The following RBFOX1 variants were observed in gnomAD, a reference collection of about 807,000 sequenced individuals.
The protein encoded by RBFOX1 is RNA binding fox-1 homolog 1, also known as RNA binding protein fox-1 homolog 1.
RBFOX1 carries 8 observed loss-of-function variants against 57.7 expected under a neutral mutation model. That is an observed-to-expected ratio of 0.14 (90% CI 0.08 to 0.25). The LOEUF (loss-of-function observed/expected upper bound fraction) is 0.25, where lower values mean the gene tolerates loss of function less well. Ranked by LOEUF, RBFOX1 falls within the 10% of genes least tolerant of loss-of-function variation. The pLI is 1.00. For missense variants in RBFOX1, 611 were observed against 548.5 expected, an observed-to-expected ratio of 1.11 and a Z score of -1.14; for synonymous variants, 326 against 222.4, an observed-to-expected ratio of 1.47 and a Z score of -4.15.
At chr16:6,644,483 C>T (rs1043048978) in intron 2 of RBFOX1, among the ~76,000 whole-genome samples, 3 of 152,310 alleles carry the variant, frequency 2.0e-5, no homozygotes, top group Non-Finnish European at 2.9e-5. Context: ...CCGATTTGGG[C>T]TTGTCAGATG....
In RBFOX1 at chr16:6,641,740, A is replaced by C. The variant is rs1602410920; in HGVS notation, c.-63-12863A>C. On this transcript the variant is annotated intron_variant, in intron 2 of 15. Transcript: ENST00000550418. Reference sequence around the variant, plus strand: ...ACAGAGCAGGACTCCGTCTCAAAAAAAAAAAAAAAAAAAAAAAAAAAAAAA... The same window carrying C: ...ACAGAGCAGGACTCCGTCTCAAAAACAAAAAAAAAAAAAAAAAAAAAAAAA... Among the ~76,000 whole-genome samples the C allele has an allele frequency of 5.4e-5, 2 of 37,156 alleles. 1 individual carries two copies. 24.4% of individuals were successfully genotyped at this position (37,156 alleles called of 152,430 possible).
chr16:7,354,327 A>C (rs2097177780), intron 4 of RBFOX1, among the ~76,000 whole-genome samples: 1 of 152,214 alleles, frequency 6.6e-6, no homozygotes, highest in South Asian at 2.1e-4. Flanking sequence ...ATTTCAAAAA[A>C]TATGTTGAAA....
intron 2 of RBFOX1, among the ~76,000 whole-genome samples, chr16:6,504,487 C>G (rs2096034514): frequency 6.6e-6 from 1 of 152,068 alleles, no homozygotes; most frequent in Non-Finnish European, 1.5e-5. Context: ...TGCATGAGAC[C>G]TTTGTAATGT....
intron 1 of RBFOX1, among the ~76,000 whole-genome samples, chr16:5,451,068 G>A (rs1373214775): frequency 6.6e-6 from 1 of 152,186 alleles, no homozygotes; most frequent in Non-Finnish European, 1.5e-5. Context: ...TCGAGGAATG[G>A]CAGATATACA....
intron 3 of RBFOX1, among the ~76,000 whole-genome samples, chr16:6,692,478 G>T (rs13339092): frequency 0.035 from 5,390 of 152,000 alleles, 314 homozygotes; most frequent in African/African-American, 0.12. Context: ...ACTACTTTCC[G>T]TGACCCTGTG....
intron 3 of RBFOX1, among the ~76,000 whole-genome samples, chr16:5,725,278 C>G (rs2052100280): frequency 1.3e-5 from 2 of 152,030 alleles, no homozygotes; most frequent in South Asian, 4.2e-4. Context: ...GGGTCTTGCT[C>G]TGTCTCCCAG....
At chr16:5,372,670 G>A (rs192376615) in intron 1 of RBFOX1, among the ~76,000 whole-genome samples, 2 of 152,124 alleles carry the variant, frequency 1.3e-5, no homozygotes, top group African/African-American at 4.8e-5. Context: ...GAACAGAATC[G>A]GCTTTGCAAG....
At chr16:5,555,189 G>A (rs2045622439) in intron 2 of RBFOX1, among the ~76,000 whole-genome samples, 1 of 152,182 alleles carries the variant, frequency 6.6e-6, no homozygotes, top group African/African-American at 2.4e-5. Flanking sequence ...TGATTCAGTG[G>A]ATAGAATGGA....
At chr16:7,159,275 G>A (rs975401515) in intron 4 of RBFOX1, among the ~76,000 whole-genome samples, 9 of 147,670 alleles carry the variant, frequency 6.1e-5, no homozygotes, top group African/African-American at 2.3e-4. Flanking sequence ...GACACCCTGA[G>A]GCTGAGCAGG....
intron 4 of RBFOX1, among the ~76,000 whole-genome samples, chr16:7,062,185 G>A (rs377603531): frequency 6.6e-6 from 1 of 151,764 alleles, no homozygotes; most frequent in Non-Finnish European, 1.5e-5. Flanking sequence ...TGGGCATGGT[G>A]GCGGGTGCCT....
intron 2 of RBFOX1, among the ~76,000 whole-genome samples, chr16:6,389,832 A>G (rs1318007107): frequency 6.6e-6 from 1 of 152,140 alleles, no homozygotes; most frequent in Non-Finnish European, 1.5e-5. Context: ...TCAGAATAAA[A>G]ATTGATGCTG....
intron 4 of RBFOX1, among the ~76,000 whole-genome samples, chr16:7,389,953 A>G (rs780211172): frequency 2.6e-5 from 4 of 152,156 alleles, no homozygotes; most frequent in Non-Finnish European, 5.9e-5. Context: ...TTTATAAAGG[A>G]AAGAGGTTTA....
chr16:7,197,122 C>G (rs560659524), intron 4 of RBFOX1, among the ~76,000 whole-genome samples: 2 of 152,278 alleles, frequency 1.3e-5, no homozygotes, highest in East Asian at 3.9e-4. Context: ...TATTCCTTCT[C>G]TACCCATCTC....
intron 3 of RBFOX1, among the ~76,000 whole-genome samples, chr16:6,866,643 G>C (rs1482982993): frequency 7.4e-6 from 1 of 135,662 alleles, no homozygotes; most frequent in African/African-American, 2.8e-5. Flanking sequence ...CCCGGTTCAC[G>C]CCATTCTCCT....
At chr16:5,503,471 C>G (rs1213198370) in intron 2 of RBFOX1, among the ~76,000 whole-genome samples, 1 of 152,242 alleles carries the variant, frequency 6.6e-6, no homozygotes, top group Non-Finnish European at 1.5e-5. Context: ...GAGTCTTGCT[C>G]TGTCGCCCAG....
intron 2 of RBFOX1, among the ~76,000 whole-genome samples, chr16:6,380,376 C>T (rs2091671994): frequency 7.8e-6 from 1 of 127,688 alleles, no homozygotes; most frequent in Non-Finnish European, 1.6e-5. Flanking sequence ...AATGATGCGT[C>T]TGTGAGTGGT....
At chr16:6,056,372 C>T (rs1420894283) in intron 1 of RBFOX1, among the ~76,000 whole-genome samples, 1 of 152,122 alleles carries the variant, frequency 6.6e-6, no homozygotes, top group Non-Finnish European at 1.5e-5. Context: ...GAGTGTAATA[C>T]CTGTTTTCCT....
chr16:6,369,290 G>C (rs1298760127), intron 2 of RBFOX1, among the ~76,000 whole-genome samples: 1 of 152,094 alleles, frequency 6.6e-6, no homozygotes. Flanking sequence ...CTAATTTTAA[G>C]GGATTGAATT....
At chr16:7,368,233 C>G (rs1372527049) in intron 4 of RBFOX1, among the ~76,000 whole-genome samples, 1 of 150,016 alleles carries the variant, frequency 6.7e-6, no homozygotes, top group Non-Finnish European at 1.5e-5. Flanking sequence ...TGCCACTGCA[C>G]TCCATCCTGG....
Sources: gnomAD v4.1 joint callset for allele counts (sites outside exome capture counted in the v4.1 genomes callset) on GRCh38, gnomAD v4.1.1 for gene constraint, MANE v1.5 for transcripts, NCBI Gene and HGNC (gene_info 2026-07-23, HGNC 2026-07-21) for gene names.